Variants in MMP26 observed in about 807,000 individuals in gnomAD.
MMP26 encodes matrix metallopeptidase 26, also known as matrix metalloproteinase-26.
MMP26 carries 33 observed loss-of-function variants against 31.0 expected under a neutral mutation model. That is an observed-to-expected ratio of 1.06 (90% CI 0.81 to 1.42). MMP26 has a LOEUF of 1.42. Ranked by LOEUF, MMP26 falls within the 40% of genes most tolerant of loss-of-function variation. The probability of loss-of-function intolerance (pLI) is 0.00; values close to 1 mark genes in which losing one functional copy is unlikely to be tolerated. For missense variants in MMP26, 347 were observed against 316.1 expected (o/e 1.10, Z -0.74); for synonymous variants, 122 against 114.9 (o/e 1.06, Z -0.40).
chr11:4,974,663 T>C (rs1254400723), intron 2 of MMP26, among the ~76,000 whole-genome samples: 4 of 152,132 alleles, frequency 2.6e-5, no homozygotes, highest in African/African-American at 7.2e-5. Context: ...CTCACTACCA[T>C]AGATTTCGGA....
chr11:4,789,828 G>T (rs1848999730), intron 2 of MMP26, among the ~76,000 whole-genome samples: 1 of 151,838 alleles, frequency 6.6e-6, no homozygotes, highest in South Asian at 2.1e-4. Context: ...TCACAGGTGT[G>T]AAGGATATCC....
At chr11:4,753,714 A>G (rs1225192580) in intron 1 of MMP26, among the ~76,000 whole-genome samples, 2 of 152,116 alleles carry the variant, frequency 1.3e-5, no homozygotes, top group Non-Finnish European at 2.9e-5. Flanking sequence ...AAGCAGGAAA[A>G]CATCTCTTTT....
chr11:4,778,772 C>T (rs1333673859), intron 2 of MMP26, among the ~76,000 whole-genome samples: 1 of 151,986 alleles, frequency 6.6e-6, no homozygotes, highest in African/African-American at 2.4e-5. Flanking sequence ...TCTTCAATTT[C>T]TGATGATTAA....
At chr11:4,933,332 C>A (rs369250464) in intron 2 of MMP26, among the ~76,000 whole-genome samples, 1 of 152,056 alleles carries the variant, frequency 6.6e-6, no homozygotes, top group East Asian at 1.9e-4. Flanking sequence ...AGTAAAAAGG[C>A]GGACAATCAC....
At chr11:4,735,573 C>A (rs1334846178) in intron 1 of MMP26, among the ~76,000 whole-genome samples, 2 of 152,100 alleles carry the variant, frequency 1.3e-5, no homozygotes, top group Non-Finnish European at 2.9e-5. Flanking sequence ...ATCTATATAT[C>A]CTAACATATT....
In MMP26 at chr11:4,949,790, A is replaced by G. The variant is rs189704749; in HGVS notation, c.-144-38278A>G. 1.9e-4 allele frequency among the ~76,000 whole-genome samples: 23 copies of G among 119,358 alleles called. 6 individuals are homozygous for G. In the East Asian group the frequency reaches 2.1e-3, roughly 11 times the overall value. The allele number at this position is 119,358 out of a possible 152,430, so 78.3% of individuals were successfully genotyped here. On this transcript the variant is annotated intron_variant, in intron 2 of 7. Transcript: ENST00000380390. ...TTCCTTAACAAGTTTTAAAAAATCC[A>G]TAATTTAACAAAACTGAAAGAATAA...
chr11:4,801,073 A>G (rs945676385), intron 2 of MMP26, among the ~76,000 whole-genome samples: 2 of 152,140 alleles, frequency 1.3e-5, no homozygotes, highest in Non-Finnish European at 2.9e-5. Flanking sequence ...AGTTCATATG[A>G]ACTTCACTGC....
intron 1 of MMP26, among the ~76,000 whole-genome samples, chr11:4,758,413 A>G (rs1231288221): frequency 1.3e-5 from 2 of 151,670 alleles, no homozygotes; most frequent in African/African-American, 4.8e-5. Context: ...ACCGGTATAA[A>G]TAAAGTGAGC....
intron 2 of MMP26, among the ~76,000 whole-genome samples, chr11:4,831,843 C>T (rs1849650446): frequency 6.6e-6 from 1 of 152,246 alleles, no homozygotes; most frequent in Non-Finnish European, 1.5e-5. Flanking sequence ...GGTATCAAAG[C>T]ACCTTCTTTC....
intron 3 of MMP26, among the ~76,000 whole-genome samples, chr11:4,988,638 T>C (rs1846942909): frequency 6.6e-6 from 1 of 152,114 alleles, no homozygotes; most frequent in Non-Finnish European, 1.5e-5. Context: ...ATCTATATAC[T>C]GGAGTGAGAG....
intron 2 of MMP26, among the ~76,000 whole-genome samples, chr11:4,795,843 GGAGAGAGAGAGAGA>G (rs142600384): frequency 9.8e-5 from 14 of 142,174 alleles, no homozygotes; most frequent in Non-Finnish European, 1.5e-4. Flanking sequence ...AGAGAGAGAG[GGAGAGAGAGAGAGA>G]GAGAGAGAGA....
intron 2 of MMP26, among the ~76,000 whole-genome samples, chr11:4,808,565 G>C (rs940850667): frequency 1.3e-5 from 2 of 151,994 alleles, no homozygotes; most frequent in Non-Finnish European, 2.9e-5. Context: ...CTTAGGAAGT[G>C]ATGAGTTTCT....
rs569889657 is a variant in MMP26 at position 4,804,548 on chromosome 11, A to G, written c.-145+37207A>G. ...ATAATTTCAACTGTTTTAATAAATA[A>G]TATGTTACAACATGACATGATGTTA... On this transcript the variant is annotated intron_variant, in intron 2 of 7. Coordinates refer to ENST00000380390, the MANE Select transcript of MMP26 (RefSeq NM_021801.5). 21 of 781,288 alleles carry G rather than the reference A, an allele frequency of 2.7e-5. No homozygotes were observed. In the South Asian group the frequency reaches 2.7e-4, roughly 10 times the overall value. The allele number at this position is 781,288 out of a possible 1,614,324, so 48.4% of individuals were successfully genotyped here. A position where few individuals can be genotyped will look rare whatever the true frequency, so the allele number is the denominator to read the frequency against.
At chr11:4,985,208 A>G (rs1025748519) in intron 2 of MMP26, among the ~76,000 whole-genome samples, 2 of 152,144 alleles carry the variant, frequency 1.3e-5, no homozygotes, top group Admixed American at 6.5e-5. Flanking sequence ...TCAATATTTT[A>G]TCATTTCCAT....
At chr11:4,804,531 A>C (rs375015003) in intron 2 of MMP26, 6 of 786,104 alleles carry the variant, frequency 7.6e-6, no homozygotes, top group Non-Finnish European at 1.4e-5. Flanking sequence ...GAATAATTTC[A>C]ACTGTTTTAA....
intron 2 of MMP26, among the ~76,000 whole-genome samples, chr11:4,807,119 T>C (rs1346734264): frequency 6.6e-6 from 1 of 152,004 alleles, no homozygotes; most frequent in East Asian, 1.9e-4. Flanking sequence ...ACTTAAACAA[T>C]TTTTTTTAAT....
chr11:4,792,406 A>G (rs1256280052), intron 2 of MMP26, among the ~76,000 whole-genome samples: 1 of 152,082 alleles, frequency 6.6e-6, no homozygotes, highest in Non-Finnish European at 1.5e-5. Flanking sequence ...TTAGCAACAT[A>G]TTTAGGGAGA....
intron 2 of MMP26, among the ~76,000 whole-genome samples, chr11:4,851,487 C>A (rs749354495): frequency 3.9e-5 from 6 of 152,112 alleles, no homozygotes; most frequent in Admixed American, 6.5e-5. Context: ...ATGAAGAGTA[C>A]TGGACATACT....
At chr11:4,987,742 A>G (rs1846926922) in intron 2 of MMP26, among the ~76,000 whole-genome samples, 1 of 152,104 alleles carries the variant, frequency 6.6e-6, no homozygotes, top group South Asian at 2.1e-4. Context: ...TCATACTCTG[A>G]TCTGGATCTT....
Sources: allele counts gnomAD v4.1 joint callset (sites outside exome capture counted in the v4.1 genomes callset), GRCh38; gene constraint gnomAD v4.1.1; transcripts MANE v1.5; gene names NCBI Gene and HGNC (gene_info 2026-07-23, HGNC 2026-07-21).